Variants in MYO3A observed in about 807,000 individuals in gnomAD.
The protein encoded by MYO3A is myosin-IIIa.
A neutral mutation model predicts 192.7 loss-of-function variants in MYO3A; 180 were observed. That is an observed-to-expected ratio of 0.93 (90% confidence interval 0.83 to 1.06). MYO3A has a LOEUF of 1.06. Among genes scored for constraint, MYO3A ranks in the 50% least tolerant of loss-of-function variants. The pLI is 0.00. For missense variants in MYO3A, 1,896 were observed against 1,905.0 expected, an observed-to-expected ratio of 1.00 and a Z score of 0.09; for synonymous variants, 628 against 645.3, an observed-to-expected ratio of 0.97 and a Z score of 0.41.
intron 10 of MYO3A, among the ~76,000 whole-genome samples, chr10:26,028,717 A>G (rs763384506): frequency 1.3e-5 from 2 of 152,174 alleles, no homozygotes; most frequent in Admixed American, 6.5e-5. Context: ...TAGAAGACAC[A>G]AGATTCATGG....
At position 26,174,485 on chromosome 10, in the gene MYO3A, G is replaced by A; in HGVS notation, c.4221G>A (p.Lys1407=). 6.2e-7 allele frequency: 1 copy of A among 1,614,060 alleles called. No individual in the cohort carries two copies. The highest frequency in any genetic ancestry group is 8.5e-7 in the Non-Finnish European group (1 of 1,179,996). ...PTKHEEINNI[K]KKDNKDSKAT... ...AACATGAGGAAATCAATAACATCAA[G>A]AAGAAGGATAACAAAGACTCGAAAG... is the stretch of plus-strand genomic sequence containing the variant. The change falls in exon 30 of 35, where the codon AAG becomes AAA. Residue 1407 remains lysine (K), a synonymous_variant. Transcript: ENST00000642920.
At chr10:26,075,629 G>T (rs1564523686) in intron 14 of MYO3A, among the ~76,000 whole-genome samples, 2 of 144,000 alleles carry the variant, frequency 1.4e-5, no homozygotes, top group African/African-American at 5.1e-5. Context: ...TGATATATAT[G>T]TCTCTCATAT....
At chr10:26,189,720 T>C (rs1410983609) in intron 31 of MYO3A, among the ~76,000 whole-genome samples, 1 of 152,142 alleles carries the variant, frequency 6.6e-6, no homozygotes, top group Non-Finnish European at 1.5e-5. Context: ...AAAAGAGGCA[T>C]CATCATAAAT....
intron 9 of MYO3A, among the ~76,000 whole-genome samples, chr10:26,025,698 G>A (rs1179435558): frequency 6.6e-6 from 1 of 152,152 alleles, no homozygotes; most frequent in Non-Finnish European, 1.5e-5. Context: ...GTCACAGCTG[G>A]TTAAACTTTC....
chr10:26,143,314 GA>G (rs1178054132), intron 20 of MYO3A, 133 bp from the exon 21 acceptor site: 7 of 874,076 alleles, frequency 8.0e-6, no homozygotes, highest in African/African-American at 5.0e-5. Context: ...CTGGACGACA[GA>G]GCGAGTCTCC....
chr10:26,012,766 A>G (rs1301133610), intron 6 of MYO3A, among the ~76,000 whole-genome samples: 1 of 152,200 alleles, frequency 6.6e-6, no homozygotes, highest in African/African-American at 2.4e-5. Context: ...GGAACCCAAA[A>G]GAGCCCAAAT....
chr10:25,984,328 A>G (rs539358988), intron 4 of MYO3A, among the ~76,000 whole-genome samples: 3 of 152,222 alleles, frequency 2.0e-5, no homozygotes, highest in South Asian at 4.1e-4. Flanking sequence ...GACAGAATGG[A>G]TAAGAATTTA....
At chr10:26,048,931 A>G (rs1252578336) in intron 10 of MYO3A, among the ~76,000 whole-genome samples, 2 of 152,202 alleles carry the variant, frequency 1.3e-5, no homozygotes, top group Non-Finnish European at 2.9e-5. Context: ...TCTGGGAAAC[A>G]ACAACATTTA....
rs965136060 is a variant in MYO3A at position 26,176,786 on chromosome 10, T to C, written c.4379T>C (p.Leu1460Pro). ...TCACAGCAACTGAAGTCACTTTATCTGGGTGTCTCGCACCATAAGCCAATT... is the reference window on the plus strand; with the variant it reads ...TCACAGCAACTGAAGTCACTTTATCCGGGTGTCTCGCACCATAAGCCAATT... Reference protein sequence around the residue: ...ILSQQLKSLYLGVSHHKPINR... With the variant: ...ILSQQLKSLYPGVSHHKPINR... Residue 1460 changes from leucine to proline, a missense_variant, in exon 31 of 35, where the codon CTG (leucine) becomes CCG (proline). By Grantham distance (98) the Leu-to-Pro change is moderately conservative. Transcript: ENST00000642920. 1.9e-6 allele frequency: 3 copies of C among 1,614,074 alleles called. No homozygotes were observed. In the Admixed American group the frequency reaches 5.0e-5, roughly 27 times the overall value.
chr10:26,207,229 C>G (rs1369360661), intron 34 of MYO3A, among the ~76,000 whole-genome samples: 1 of 152,058 alleles, frequency 6.6e-6, no homozygotes, highest in African/African-American at 2.4e-5. Context: ...TTGATGTAAT[C>G]CCATTTGTCT....
At chr10:26,177,229 G>C (rs1379212170) in intron 31 of MYO3A, among the ~76,000 whole-genome samples, 1 of 152,084 alleles carries the variant, frequency 6.6e-6, no homozygotes, top group Non-Finnish European at 1.5e-5. Flanking sequence ...TGAGTATAGA[G>C]TGTGGAAGGT....
chr10:25,971,539 A>C (rs993664892), intron 4 of MYO3A, among the ~76,000 whole-genome samples: 11 of 152,202 alleles, frequency 7.2e-5, no homozygotes, highest in Admixed American at 2.6e-4. Context: ...GGTTCTGCTA[A>C]CAGTGAGTTC....
intron 6 of MYO3A, among the ~76,000 whole-genome samples, chr10:25,997,890 T>G (rs1840553428): frequency 6.6e-6 from 1 of 152,144 alleles, no homozygotes; most frequent in Non-Finnish European, 1.5e-5. Context: ...CTCTGGACCT[T>G]TTGTTATGTG....
Position 26,174,138 on chromosome 10 carries a change from AG to A in MYO3A, c.3876del (p.Arg1292SerfsTer18), listed in dbSNP as rs1842192806. Reference sequence around the variant, plus strand: ...AACTTTGGAACCTACACTTAGCCAAAGGTCAATTTATCAAAATGCAAACAGC... The same window carrying A: ...AACTTTGGAACCTACACTTAGCCAAAGTCAATTTATCAAAATGCAAACAGC... The part of the protein sequence containing the change: ...KKTLEPTLSQ[R>X]SIYQNANSME... On this transcript the variant is annotated frameshift_variant, in exon 30 of 35. Transcript: ENST00000642920. LOFTEE classifies it high-confidence loss of function. 2.5e-6 allele frequency: 4 copies of A among 1,614,106 alleles called. No homozygotes were observed. Among genetic ancestry groups the A allele is most frequent in the Non-Finnish European group, 3.4e-6 (4 of 1,180,046 alleles).
At chr10:26,096,292 C>T (rs1356436753) in intron 15 of MYO3A, 89 bp from the exon 16 acceptor site, 1 of 971,120 alleles carries the variant, frequency 1.0e-6, no homozygotes, top group South Asian at 1.5e-5. Context: ...TCAGCACTCA[C>T]AGTCGTTGTT....
chr10:26,026,467 G>A lies in MYO3A; in HGVS notation c.888G>A (p.Met296Ile), dbSNP rs751865849. ...FITQIEGKDV[M>I]LQKQLTEFIG... Reference sequence around the variant, plus strand: ...CTCAAATTGAGGGCAAAGATGTGATGCTACAAAAACAACTAACGGAATTCA... The same window carrying A: ...CTCAAATTGAGGGCAAAGATGTGATACTACAAAAACAACTAACGGAATTCA... The change falls in exon 10 of 35, where the codon ATG becomes ATA. Residue 296 changes from methionine to isoleucine, a missense_variant. Transcript: ENST00000642920. 8.7e-6 allele frequency: 14 copies of A among 1,614,022 alleles called. No individual in the cohort carries two copies. In the Admixed American group the frequency reaches 2.3e-4, roughly 27 times the overall value.
intron 23 of MYO3A, among the ~76,000 whole-genome samples, chr10:26,149,261 G>A (rs1840649988): frequency 6.6e-6 from 1 of 151,768 alleles, no homozygotes; most frequent in African/African-American, 2.4e-5. Flanking sequence ...TTGAGACAGA[G>A]TCTCACACTG....
chr10:26,106,110 A>G (rs1837784247), intron 17 of MYO3A, among the ~76,000 whole-genome samples: 1 of 152,018 alleles, frequency 6.6e-6, no homozygotes, highest in African/African-American at 2.4e-5. Flanking sequence ...ATTGTTTAGC[A>G]TTGCTTGTCC....
At chr10:26,019,180 A>G (rs1357859390) in intron 7 of MYO3A, among the ~76,000 whole-genome samples, 1 of 150,306 alleles carries the variant, frequency 6.7e-6, no homozygotes, top group Non-Finnish European at 1.5e-5. Context: ...CCATTAATCT[A>G]TTTTCTGTCT....
Sources: gnomAD v4.1 joint callset for allele counts (sites outside exome capture counted in the v4.1 genomes callset) on GRCh38, gnomAD v4.1.1 for gene constraint, MANE v1.5 for transcripts, NCBI Gene and HGNC (gene_info 2026-07-23, HGNC 2026-07-21) for gene names.